DGLUCY: variants seen among roughly 807,000 people sequenced by gnomAD.
DGLUCY encodes D-glutamate cyclase, also known as D-glutamate cyclase, mitochondrial.
A neutral mutation model predicts 58.5 loss-of-function variants in DGLUCY; 58 were observed. The observed-to-expected ratio is 0.99, with a 90% CI of 0.80 to 1.23. The LOEUF (loss-of-function observed/expected upper bound fraction) is 1.23, where lower values mean the gene tolerates loss of function less well. DGLUCY is among the 50% of genes most tolerant of loss of function. The probability of loss-of-function intolerance (pLI) is 0.00; values close to 1 mark genes in which losing one functional copy is unlikely to be tolerated. For synonymous variants in DGLUCY, 325 were observed against 314.1 expected, an observed-to-expected ratio of 1.03 and a Z score of -0.37; for missense variants, 779 against 784.7, an observed-to-expected ratio of 0.99 and a Z score of 0.09.
intron 1 of DGLUCY, among the ~76,000 whole-genome samples, chr14:91,115,877 G>A (rs1362038464): frequency 6.9e-6 from 1 of 144,920 alleles, no homozygotes; most frequent in Non-Finnish European, 1.6e-5. Context: ...AGCTCGGCTG[G>A]CGCTGTAGCT....
rs1566925789 is a variant in DGLUCY, at chr14:91,062,607, ATAT to A, written c.-82+1904_-82+1906del. ...TATATATATATATATATATATATAT[ATAT>A]AAACAATCCTTAGCTCAAGGGCAGT... is the stretch of plus-strand genomic sequence containing the variant. On this transcript the variant is annotated intron_variant, in intron 1 of 4. Coordinates refer to the DGLUCY transcript ENST00000521334. Among the ~76,000 whole-genome samples the A allele has an allele frequency of 5.1e-3, 153 of 30,048 alleles. 2 individuals are homozygous for A. The highest frequency in any genetic ancestry group is 0.017 in the Middle Eastern group (1 of 58). 19.7% of individuals were successfully genotyped at this position (30,048 alleles called of 152,430 possible).
chr14:91,181,504 G>A (rs2049165613), intron 8 of DGLUCY, 115 bp downstream of exon 8: 3 of 1,064,262 alleles, frequency 2.8e-6, no homozygotes, highest in Admixed American at 4.8e-5. Flanking sequence ...TCCACAGGAT[G>A]ATTTTTTAAA....
At chr14:91,123,508 T>G (rs1364860889) in intron 1 of DGLUCY, among the ~76,000 whole-genome samples, 1 of 152,010 alleles carries the variant, frequency 6.6e-6, no homozygotes, top group Non-Finnish European at 1.5e-5. Context: ...ATGAACTGTA[T>G]GCTTCCAGAA....
At chr14:91,204,406 C>T (rs1343657072) in intron 11 of DGLUCY, among the ~76,000 whole-genome samples, 1 of 152,224 alleles carries the variant, frequency 6.6e-6, no homozygotes, top group Non-Finnish European at 1.5e-5. Context: ...TCACCATACC[C>T]ACATCTCCCA....
intron 1 of DGLUCY, among the ~76,000 whole-genome samples, chr14:91,061,476 G>A (rs1301479751): frequency 6.6e-6 from 1 of 152,194 alleles, no homozygotes; most frequent in Non-Finnish European, 1.5e-5. Context: ...GTACACAAAA[G>A]AACTATAAAG....
chr14:91,120,045 C>G (rs2045253978), intron 1 of DGLUCY, among the ~76,000 whole-genome samples: 1 of 152,152 alleles, frequency 6.6e-6, no homozygotes, highest in Non-Finnish European at 1.5e-5. Context: ...CCCTGCTCCT[C>G]GGCTTGCAGA....
At chr14:91,079,829 A>G (rs2044094504) in intron 1 of DGLUCY, among the ~76,000 whole-genome samples, 1 of 152,214 alleles carries the variant, frequency 6.6e-6, no homozygotes, top group Non-Finnish European at 1.5e-5. Context: ...ATAACATGAT[A>G]TATATCATTT....
intron 1 of DGLUCY, among the ~76,000 whole-genome samples, chr14:91,119,196 A>G (rs1351739951): frequency 6.6e-6 from 1 of 152,180 alleles, no homozygotes; most frequent in African/African-American, 2.4e-5. Context: ...TCAGGAACCC[A>G]GCTTCCTCCA....
intron 1 of DGLUCY, among the ~76,000 whole-genome samples, chr14:91,094,435 C>CA (rs1274720296): frequency 7.5e-4 from 102 of 135,868 alleles, no homozygotes; most frequent in South Asian, 1.2e-3. Context: ...ACTCTGTCCC[C>CA]AAAAAAAAAA....
At chr14:91,139,735 A>G (rs1430348920) in intron 1 of DGLUCY, among the ~76,000 whole-genome samples, 1 of 152,268 alleles carries the variant, frequency 6.6e-6, no homozygotes, top group Non-Finnish European at 1.5e-5. Flanking sequence ...GATACAATCA[A>G]GGTGACACAT....
chr14:91,072,280 C>T (rs1057484640), intron 1 of DGLUCY, among the ~76,000 whole-genome samples: 3 of 150,932 alleles, frequency 2.0e-5, no homozygotes, highest in South Asian at 4.2e-4. Context: ...GCTGAGATCA[C>T]ACCACTGCAC....
chr14:91,144,039 C>T (rs951012532), intron 1 of DGLUCY, among the ~76,000 whole-genome samples: 1 of 152,106 alleles, frequency 6.6e-6, no homozygotes, highest in African/African-American at 2.4e-5. Flanking sequence ...CAAACAGGCT[C>T]CACTCACAAG....
Position 91,196,376 on chromosome 14 carries a change from T to C in DGLUCY, c.1197T>C (p.Gly399=), listed in dbSNP as rs200416806. The C allele has an allele frequency of 7.9e-5, 127 of 1,613,678 alleles. No individual in the cohort carries two copies. Among genetic ancestry groups the C allele is most frequent in the Non-Finnish European group, 1.1e-4 (125 of 1,179,810 alleles). ...GCCCTGCTTGCCTTTATTTTCAAGG[T>C]GTTCTGAAGACGCAGATCCCGATAT... ...QKIVEDAVEQ[G]VLKTQIPILT... is the part of the protein sequence containing the mutation. The change falls in exon 10 of 14, where the codon GGT becomes GGC. Residue 399 remains glycine, a splice_region_variant and synonymous_variant. Coordinates refer to ENST00000256324, the MANE Select transcript of DGLUCY (RefSeq NM_001102368.3).
chr14:91,130,881 G>A (rs558810067), intron 1 of DGLUCY, among the ~76,000 whole-genome samples: 1 of 152,020 alleles, frequency 6.6e-6, no homozygotes, highest in African/African-American at 2.4e-5. Flanking sequence ...ATGAAGGGGT[G>A]GTCTTTTTCT....
chr14:91,146,078 G>C (rs1425823094), intron 1 of DGLUCY, among the ~76,000 whole-genome samples: 3 of 152,106 alleles, frequency 2.0e-5, no homozygotes, highest in Non-Finnish European at 4.4e-5. Flanking sequence ...TCACCATGTT[G>C]CTCAGGCTTG....
chr14:91,088,496 G>A (rs2044257921), intron 1 of DGLUCY, among the ~76,000 whole-genome samples: 1 of 152,174 alleles, frequency 6.6e-6, no homozygotes, highest in African/African-American at 2.4e-5. Context: ...AAGCCGATGA[G>A]TCCCCCTCAG....
upstream of DGLUCY, among the ~76,000 whole-genome samples, chr14:91,112,994 TC>T (rs1276162256): frequency 9.6e-5 from 4 of 41,698 alleles, no homozygotes; most frequent in African/African-American, 4.5e-4. Flanking sequence ...TGAGACTACA[TC>T]TAAAAAAAAA....
chr14:91,077,747 T>A, intron 1 of DGLUCY, among the ~76,000 whole-genome samples: 1 of 121,298 alleles, frequency 8.2e-6, no homozygotes, highest in African/African-American at 3.2e-5. Flanking sequence ...CGAGACTCTG[T>A]CTCAAAAAAA....
In DGLUCY at chr14:91,225,095, C is replaced by G. The variant is rs544797913; in HGVS notation, c.*262C>G. The stretch of plus-strand genomic sequence containing the variant: ...GCGTTGATTTCAACCCTCCTTCACT[C>G]TGGCTTCTTCAGGCAACCCACGTGG... On this transcript the variant is annotated 3_prime_UTR_variant, in exon 14 of 14. Transcript: ENST00000256324. The G allele has an allele frequency of 3.2e-6, 1 of 316,810 alleles. No individual in the cohort carries two copies. The highest frequency in any genetic ancestry group is 2.1e-5 in the African/African-American group (1 of 46,854). 19.6% of individuals were successfully genotyped at this position (316,810 alleles called of 1,614,324 possible). A position where few individuals can be genotyped will look rare whatever the true frequency, so the allele number is the denominator to read the frequency against.
Sources: allele counts gnomAD v4.1 joint callset (sites outside exome capture counted in the v4.1 genomes callset), GRCh38; gene constraint gnomAD v4.1.1; transcripts MANE v1.5; gene names NCBI Gene and HGNC (gene_info 2026-07-23, HGNC 2026-07-21).